The following PACRG variants were observed in gnomAD, a reference collection of about 807,000 sequenced individuals.
PACRG encodes the protein parkin coregulated gene protein.
PACRG carries 29 observed loss-of-function variants against 29.7 expected under a neutral mutation model. That is an observed-to-expected ratio of 0.98 (90% CI 0.73 to 1.33). The LOEUF (loss-of-function observed/expected upper bound fraction) is 1.33. Ranked by LOEUF, PACRG falls within the 40% of genes most tolerant of loss-of-function variation. The pLI is 0.00. For synonymous variants in PACRG, 116 were observed against 118.7 expected (o/e 0.98, Z 0.15); for missense variants, 279 against 316.2 (o/e 0.88, Z 0.89).
At chr6:163,141,643 C>T (rs1377383300) in intron 4 of PACRG, among the ~76,000 whole-genome samples, 1 of 150,860 alleles carries the variant, frequency 6.6e-6, no homozygotes, top group African/African-American at 2.4e-5. Context: ...GCTAAAGAAA[C>T]ATAAGGAGTA....
chr6:163,104,196 A>G (rs1182598608), intron 4 of PACRG, among the ~76,000 whole-genome samples: 1 of 152,232 alleles, frequency 6.6e-6, no homozygotes, highest in Non-Finnish European at 1.5e-5. Context: ...GTTCAATAAT[A>G]TCTTGAGAAA....
At chr6:162,847,479 A>T (rs1397925239) in intron 2 of PACRG, among the ~76,000 whole-genome samples, 1 of 151,038 alleles carries the variant, frequency 6.6e-6, no homozygotes, top group Non-Finnish European at 1.5e-5. Context: ...TGCTATGAGG[A>T]CAGTGCCTTC....
chr6:163,033,963 C>A (rs1328837162), intron 2 of PACRG, among the ~76,000 whole-genome samples: 1 of 152,224 alleles, frequency 6.6e-6, no homozygotes, highest in Admixed American at 6.5e-5. Context: ...ATAAAGCACA[C>A]CAGATTGGCT....
At chr6:163,130,591 A>G (rs1170937705) in intron 4 of PACRG, among the ~76,000 whole-genome samples, 4 of 152,166 alleles carry the variant, frequency 2.6e-5, no homozygotes, top group Non-Finnish European at 5.9e-5. Flanking sequence ...GACCCTGCAC[A>G]ATAATGTCAA....
chr6:162,849,795 AAAGAG>A (rs1194397664), intron 2 of PACRG, among the ~76,000 whole-genome samples: 1 of 152,232 alleles, frequency 6.6e-6, no homozygotes, highest in Non-Finnish European at 1.5e-5. Flanking sequence ...AAAATATCTC[AAAGAG>A]AAAAGGCATG....
At chr6:162,902,929 T>A (rs1046266400) in intron 2 of PACRG, among the ~76,000 whole-genome samples, 2 of 152,210 alleles carry the variant, frequency 1.3e-5, no homozygotes, top group Non-Finnish European at 1.5e-5. Context: ...GATAATATAT[T>A]TATCATCTGA....
At chr6:163,177,400 G>A (rs1779415872) in intron 4 of PACRG, among the ~76,000 whole-genome samples, 2 of 152,208 alleles carry the variant, frequency 1.3e-5, no homozygotes, top group African/African-American at 4.8e-5. Context: ...GAAAGTCAGA[G>A]CTGGGAGGAG....
intron 4 of PACRG, among the ~76,000 whole-genome samples, chr6:163,091,093 G>C (rs911349639): frequency 5.3e-5 from 8 of 152,196 alleles, no homozygotes; most frequent in Admixed American, 5.2e-4. Flanking sequence ...CTGCTTTAAT[G>C]CTTTTGTTGG....
At chr6:162,749,547 G>T (rs1246877000) in intron 1 of PACRG, among the ~76,000 whole-genome samples, 1 of 152,032 alleles carries the variant, frequency 6.6e-6, no homozygotes, top group East Asian at 1.9e-4. Flanking sequence ...TTGAGACGGG[G>T]TCTTGCTCTG....
intron 4 of PACRG, among the ~76,000 whole-genome samples, chr6:163,132,014 G>A (rs556934860): frequency 6.6e-6 from 1 of 152,154 alleles, no homozygotes; most frequent in African/African-American, 2.4e-5. Flanking sequence ...AGCTTTGACT[G>A]CATGTGGTGT....
chr6:162,999,294 A>G (rs1404884578), intron 2 of PACRG, among the ~76,000 whole-genome samples: 1 of 152,194 alleles, frequency 6.6e-6, no homozygotes, highest in Non-Finnish European at 1.5e-5. Context: ...TCAGAATGCA[A>G]ATCCTAGCTC....
At chr6:163,252,909 G>A (rs1223454853) in intron 4 of PACRG, among the ~76,000 whole-genome samples, 1 of 152,180 alleles carries the variant, frequency 6.6e-6, no homozygotes, top group Admixed American at 6.5e-5. Flanking sequence ...TAAGAATCAT[G>A]TCCAGTGACT....
At chr6:163,120,228 A>G (rs919463758) in intron 4 of PACRG, among the ~76,000 whole-genome samples, 3 of 152,194 alleles carry the variant, frequency 2.0e-5, no homozygotes, top group African/African-American at 7.2e-5. Context: ...GTTTTTGAAA[A>G]GAAGTTCTGC....
intron 2 of PACRG, among the ~76,000 whole-genome samples, chr6:162,958,896 G>GAC (rs1800359891): frequency 3.1e-5 from 1 of 32,452 alleles, no homozygotes; most frequent in Non-Finnish European, 6.3e-5. Flanking sequence ...GAGAGAGAGA[G>GAC]AGAGAGAGAG....
At chr6:162,818,995 C>T (rs377426000) in intron 2 of PACRG, among the ~76,000 whole-genome samples, 2 of 152,142 alleles carry the variant, frequency 1.3e-5, no homozygotes, top group East Asian at 1.9e-4. Context: ...AATCCTTCCC[C>T]ACTGCCCGCA....
chr6:162,834,759 T>C (rs1275297396), intron 2 of PACRG, among the ~76,000 whole-genome samples: 2 of 152,026 alleles, frequency 1.3e-5, no homozygotes, highest in East Asian at 1.9e-4. Context: ...GCTAATATCA[T>C]TTGTATGTTA....
intron 2 of PACRG, among the ~76,000 whole-genome samples, chr6:162,893,104 A>G (rs1238600913): frequency 1.3e-5 from 2 of 152,148 alleles, no homozygotes; most frequent in African/African-American, 2.4e-5. Context: ...GGTGAGGGCT[A>G]TGAATGACCT....
intron 2 of PACRG, among the ~76,000 whole-genome samples, chr6:162,932,829 A>G (rs1797949209): frequency 6.6e-6 from 1 of 151,792 alleles, no homozygotes; most frequent in Non-Finnish European, 1.5e-5. Flanking sequence ...ACAGCCTTTT[A>G]CATCTTCAGA....
chr6:163,232,664 AG>A (rs562538172), intron 4 of PACRG, among the ~76,000 whole-genome samples: 3 of 152,304 alleles, frequency 2.0e-5, no homozygotes, highest in Admixed American at 1.3e-4. Context: ...GAAGGTCAAC[AG>A]GTTCCTGTGG....
Sources: allele counts gnomAD v4.1 joint callset (sites outside exome capture counted in the v4.1 genomes callset), GRCh38; gene constraint gnomAD v4.1.1; transcripts MANE v1.5; gene names NCBI Gene and HGNC (gene_info 2026-07-23, HGNC 2026-07-21).